TAF6: variants seen among roughly 807,000 people sequenced by gnomAD.
The protein encoded by TAF6 is TATA-box binding protein associated factor 6, also known as transcription initiation factor TFIID subunit 6.
A neutral mutation model predicts 73.5 loss-of-function variants in TAF6; 50 were observed. That is an observed-to-expected ratio of 0.68 (90% CI 0.54 to 0.86). TAF6 has a LOEUF of 0.86. TAF6 is among the 40% of genes least tolerant of loss of function. The pLI is 0.00. For synonymous variants in TAF6, 424 were observed against 376.7 expected (o/e 1.13, Z -1.45); for missense variants, 768 against 899.5 (o/e 0.85, Z 1.87).
chr7:100,119,304 T>TAGCG lies in TAF6; in HGVS notation c.-164_-161dup. The stretch of plus-strand genomic sequence containing the variant: ...CCGAGCGCGGGGAGCAGGAAAACTC[T>TAGCG]AGCGGCAGCCGAGACGCTGCTCACC... On this transcript the variant is annotated 5_prime_UTR_variant, in exon 1 of 15. Transcript: ENST00000453269. 9.7e-7 allele frequency: 1 copy of TAGCG among 1,027,196 alleles called. No homozygotes were observed. The highest frequency in any genetic ancestry group is 1.2e-6 in the Non-Finnish European group (1 of 853,202). The allele number at this position is 1,027,196 out of a possible 1,614,324, so 63.6% of individuals were successfully genotyped here.
chr7:100,107,137 T>C lies in TAF6; in HGVS notation c.*109A>G, dbSNP rs544623070. ...TACAATATCTAAAAAGAAAGTGACA[T>C]GAAGGAAGCAATCTACAACTTCCTT... On this transcript the variant is annotated 3_prime_UTR_variant, in exon 15 of 15. Coordinates refer to ENST00000453269, the MANE Select transcript of TAF6 (RefSeq NM_139315.3). 6.2e-6 allele frequency: 9 copies of C among 1,440,908 alleles called. No individual in the cohort carries two copies. The highest frequency in any genetic ancestry group is 5.6e-5 in the South Asian group (4 of 71,764). 89.3% of individuals were successfully genotyped at this position (1,440,908 alleles called of 1,614,324 possible).
chr7:100,124,291 T>C, upstream of TAF6: 1 of 512,438 alleles, frequency 2.0e-6, no homozygotes, highest in Non-Finnish European at 3.5e-6. Flanking sequence ...CATACATATT[T>C]TACAGGCAAG....
At position 100,111,751 on chromosome 7, in the gene TAF6, G is replaced by A. The variant is rs529306371; in HGVS notation, c.877C>T (p.Pro293Ser). ...MRMVKALMDN[P>S]TLYLEKYVHE... ...ACGTATTTTTCTAGATAGAGCGTGG[G>A]GTTGTCCATCAGCGCTTTCACCATA... Residue 293 changes from proline to serine, a missense_variant, in exon 9 of 15, where the codon CCC (proline) becomes TCC (serine). Physicochemically the swap from Pro to Ser is moderately conservative, Grantham distance 74 (BLOSUM62 -1). Around this residue, in one of 5 missense-constraint regions of TAF6, gnomAD observed 78 missense variants for 153.4 expected, o/e 0.51. Coordinates refer to ENST00000453269, the MANE Select transcript of TAF6 (RefSeq NM_139315.3). 6.2e-7 allele frequency: 1 copy of A among 1,614,194 alleles called. No individual in the cohort carries two copies. The highest frequency in any genetic ancestry group is 1.1e-5 in the South Asian group (1 of 91,088).
chr7:100,119,864 T>C (rs770694020), upstream of TAF6: 9 of 1,610,772 alleles, frequency 5.6e-6, no homozygotes, highest in Non-Finnish European at 7.6e-6. Context: ...AATGCGAAGG[T>C]ATTTGAAGGG....
chr7:100,110,374 C>T, intron 10 of TAF6, 100 bp from the exon 11 acceptor site: 1 of 1,370,546 alleles, frequency 7.3e-7, no homozygotes, highest in South Asian at 1.2e-5. Flanking sequence ...ATCATTAAGA[C>T]ATTACAATGA....
chr7:100,124,376 T>C, upstream of TAF6: 2 of 653,482 alleles, frequency 3.1e-6, no homozygotes, highest in African/African-American at 1.8e-5. Flanking sequence ...TGAATGAGGA[T>C]TGCACATCTA....
chr7:100,107,700 C>A, intron 14 of TAF6, 77 bp from the exon 15 acceptor site: 1 of 1,551,074 alleles, frequency 6.4e-7, no homozygotes. Flanking sequence ...ACGCTTCACT[C>A]GCTCCCTGCC....
chr7:100,109,414 C>T (rs1037828236), intron 12 of TAF6, among the ~76,000 whole-genome samples: 5 of 151,946 alleles, frequency 3.3e-5, no homozygotes, highest in Admixed American at 2.6e-4. Context: ...TAATCAAGAG[C>T]GCATTTGCCT....
At chr7:100,126,968 T>A in the TAF6 span, 3 of 162,130 alleles carry the variant, frequency 1.9e-5, no homozygotes, top group Non-Finnish European at 4.0e-5. Flanking sequence ...TCGGCCGCCA[T>A]ATCTGGGTAC....
chr7:100,114,216 G>T lies in TAF6; in HGVS notation c.-7C>A. 6.2e-7 allele frequency: 1 copy of T among 1,614,154 alleles called. No individual in the cohort carries two copies. Among genetic ancestry groups the T allele is most frequent in the Admixed American group, 1.7e-5 (1 of 60,010 alleles). On this transcript the variant is annotated 5_prime_UTR_variant, in exon 2 of 15. Transcript: ENST00000453269. ...GCTTCTTCTCCTCAGCCATTCTGGA[G>T]TCCCTCTTCTCCTCCCTGGAAGGAT...
At chr7:100,119,714 A>AG, upstream of TAF6, 1 of 1,614,038 alleles carries the variant, frequency 6.2e-7, no homozygotes, top group Non-Finnish European at 8.5e-7. Context: ...GTTGAAGGCA[A>AG]GCGGTGATTG....
chr7:100,119,853 A>G (rs769762903), upstream of TAF6: 29 of 1,611,898 alleles, frequency 1.8e-5, no homozygotes, highest in Admixed American at 3.4e-5. Flanking sequence ...CTTGCCCAGC[A>G]AATGCGAAGG....
intron 10 of TAF6, among the ~76,000 whole-genome samples, chr7:100,110,785 T>C (rs1797106730): frequency 6.6e-6 from 1 of 152,046 alleles, no homozygotes; most frequent in South Asian, 2.1e-4. Flanking sequence ...CACTCCAGCC[T>C]GGGCAAGAAG....
Position 100,107,987 on chromosome 7 carries a change from G to A in TAF6, c.1595C>T (p.Ser532Phe). ...TACAATAAACTTGGTTGGAGGAGGG[G>A]AAGGCTGTGGTGGGGCAGCCGCTCG... Reference protein sequence around the residue: ...SARAAAPPQPSPPPTKFIVMS... With the variant: ...SARAAAPPQPFPPPTKFIVMS... Residue 532 changes from serine (S) to phenylalanine (F), a missense_variant, in exon 14 of 15, where the codon TCC becomes TTC. This residue lies in a region of TAF6 where 350 missense variants were observed against 352.3 expected (regional missense o/e 0.99). Transcript: ENST00000453269. 1 of 1,614,056 alleles carries A rather than the reference G, an allele frequency of 6.2e-7. No individual in the cohort carries two copies. The highest frequency in any genetic ancestry group is 8.5e-7 in the Non-Finnish European group (1 of 1,179,996).
rs376599831 is a variant in TAF6, at chr7:100,107,277, G to T, written c.2003C>A (p.Pro668His). 3.3e-6 allele frequency: 5 copies of T among 1,524,042 alleles called. No homozygotes were observed. In the African/African-American group the frequency reaches 5.6e-5, roughly 17 times the overall value. The allele number at this position is 1,524,042 out of a possible 1,614,324, so 94.4% of individuals were successfully genotyped here. A position where few individuals can be genotyped will look rare whatever the true frequency, so the allele number is the denominator to read the frequency against. Residue 668 changes from proline (P) to histidine (H), a missense_variant, in exon 15 of 15, where the codon CCC (proline) becomes CAC (histidine). Transcript: ENST00000453269. Reference sequence around the variant, plus strand: ...AGCAGGCTGAGGGGAGCCGGAGTTGGGCTGGGAGCCATTGGCTTTTGGAGT... The same window carrying T: ...AGCAGGCTGAGGGGAGCCGGAGTTGTGCTGGGAGCCATTGGCTTTTGGAGT... ...PGTPKANGSQ[P>H]NSGSPQPAP
chr7:100,107,639 AG>A lies in TAF6; in HGVS notation c.1657-17del. On this transcript the variant is annotated splice_polypyrimidine_tract_variant and intron_variant, in intron 14 of 14. Coordinates refer to ENST00000453269, the MANE Select transcript of TAF6 (RefSeq NM_139315.3). ...GGGACAGGACCTGGATAGAAAGGAAAGGCAGGCCGCTTGCCCTGTGCCCTCC... is the reference window on the plus strand; with the variant it reads ...GGGACAGGACCTGGATAGAAAGGAAAGCAGGCCGCTTGCCCTGTGCCCTCC... 6.2e-7 allele frequency: 1 copy of A among 1,608,414 alleles called. No individual in the cohort carries two copies. Among genetic ancestry groups the A allele is most frequent in the Non-Finnish European group, 8.5e-7 (1 of 1,178,204 alleles).
chr7:100,123,710 C>T (rs1253906038), upstream of TAF6, among the ~76,000 whole-genome samples: 2 of 152,032 alleles, frequency 1.3e-5, no homozygotes, highest in African/African-American at 4.8e-5. Context: ...TTAGTAGAGA[C>T]GGGGTTTCAT....
chr7:100,118,502 A>T (rs1269751261), intron 1 of TAF6: 1 of 152,040 alleles, frequency 6.6e-6, no homozygotes, highest in Non-Finnish European at 1.5e-5. Flanking sequence ...TGCAAAAATT[A>T]AAAAATTAGA....
upstream of TAF6, chr7:100,122,378 A>G: frequency 4.3e-6 from 7 of 1,614,080 alleles, no homozygotes; most frequent in African/African-American, 2.7e-5. Context: ...CGTGCCTTAC[A>G]GCGTTTCGTG....
Sources: allele counts gnomAD v4.1 joint callset (sites outside exome capture counted in the v4.1 genomes callset), GRCh38; gene constraint gnomAD v4.1.1; regional missense constraint gnomAD v4.1.1; transcripts MANE v1.5; gene names NCBI Gene and HGNC (gene_info 2026-07-23, HGNC 2026-07-21).